The following APIP variants were observed in gnomAD, a reference collection of about 807,000 sequenced individuals.
APIP encodes the protein methylthioribulose-1-phosphate dehydratase.
In APIP, 32 loss-of-function variants were observed where a neutral mutation model predicts 32.0. That is an observed-to-expected ratio of 1.00 (90% CI 0.76 to 1.34). The LOEUF (loss-of-function observed/expected upper bound fraction) is 1.34. APIP is among the 40% of genes most tolerant of loss of function. The pLI, the probability that APIP is intolerant of heterozygous loss-of-function variation, is 0.00. For missense variants in APIP, 247 were observed against 298.6 expected, an observed-to-expected ratio of 0.83 and a Z score of 1.27; for synonymous variants, 92 against 94.8, an observed-to-expected ratio of 0.97 and a Z score of 0.17.
At chr11:34,887,782 T>C (rs192022420) in intron 5 of APIP, among the ~76,000 whole-genome samples, 24 of 152,310 alleles carry the variant, frequency 1.6e-4, no homozygotes, top group Admixed American at 8.5e-4. Context: ...TTATTTAAAC[T>C]GATCTAGAAT....
At chr11:34,890,983 G>A (rs1853177075) in intron 2 of APIP, among the ~76,000 whole-genome samples, 1 of 152,056 alleles carries the variant, frequency 6.6e-6, no homozygotes, top group Admixed American at 6.6e-5. Flanking sequence ...CAAAGAATCA[G>A]GTTTGATTTA....
At chr11:34,896,576 A>G (rs1216154289) in intron 1 of APIP, among the ~76,000 whole-genome samples, 1 of 152,030 alleles carries the variant, frequency 6.6e-6, no homozygotes, top group Admixed American at 6.6e-5. Context: ...CTGTCAGCAG[A>G]TGGGGGGCTA....
chr11:34,885,578 T>C (rs866401091), intron 5 of APIP, among the ~76,000 whole-genome samples: 8 of 152,196 alleles, frequency 5.3e-5, no homozygotes, highest in Admixed American at 1.3e-4. Flanking sequence ...TGGGGGGCAA[T>C]TGTCGGGCAA....
At position 34,892,037 on chromosome 11, in the gene APIP, G is replaced by C. The variant is rs567071869; in HGVS notation, c.159-1485C>G. ...GTAAGTAAAACCCATCTATAAAGTA[G>C]GAAAACCAAGGGTACTCTGTTTATT... On this transcript the variant is annotated intron_variant, in intron 2 of 6. Coordinates refer to ENST00000395787, the MANE Select transcript of APIP (RefSeq NM_015957.4). Among the ~76,000 whole-genome samples, 12 of 152,106 alleles carry C rather than the reference G, an allele frequency of 7.9e-5. No individual in the cohort carries two copies. The East Asian group carries it at 1.9e-3, about 24-fold the overall frequency.
chr11:34,903,601 A>G (rs760982601), intron 1 of APIP, among the ~76,000 whole-genome samples: 3 of 152,244 alleles, frequency 2.0e-5, no homozygotes. Flanking sequence ...AATAGCAGTG[A>G]TGCATTGCAA....
intron 2 of APIP, among the ~76,000 whole-genome samples, chr11:34,893,540 G>A (rs991078275): frequency 2.0e-5 from 3 of 152,164 alleles, no homozygotes; most frequent in Non-Finnish European, 4.4e-5. Flanking sequence ...TGAAAGTTTT[G>A]GCAAAATAAT....
At chr11:34,906,465 C>T (rs1205067773) in intron 1 of APIP, among the ~76,000 whole-genome samples, 1 of 152,150 alleles carries the variant, frequency 6.6e-6, no homozygotes, top group Non-Finnish European at 1.5e-5. Flanking sequence ...AATTCTATAG[C>T]CAGAGGTCTA....
chr11:34,892,682 A>AT (rs1565134660), intron 2 of APIP, among the ~76,000 whole-genome samples: 1 of 152,166 alleles, frequency 6.6e-6, no homozygotes, highest in Non-Finnish European at 1.5e-5. Flanking sequence ...TTCTGACTTA[A>AT]TTTTTGGTAC....
chr11:34,893,890 ATATAT>A (rs1368183692), intron 2 of APIP, among the ~76,000 whole-genome samples: 2 of 152,216 alleles, frequency 1.3e-5, no homozygotes, highest in East Asian at 3.8e-4. Context: ...GGGCATGACT[ATATAT>A]ATTCAACAGC....
chr11:34,903,646 G>C (rs1177542516), intron 1 of APIP, among the ~76,000 whole-genome samples: 1 of 152,226 alleles, frequency 6.6e-6, no homozygotes, highest in Non-Finnish European at 1.5e-5. Flanking sequence ...GGTAGCCGAA[G>C]GATACAGATT....
chr11:34,910,064 T>G (rs1229837259), intron 1 of APIP, among the ~76,000 whole-genome samples: 5 of 152,170 alleles, frequency 3.3e-5, no homozygotes, highest in Non-Finnish European at 7.4e-5. Flanking sequence ...ACCGAACTAC[T>G]AGAGAAACAA....
At chr11:34,893,617 G>A (rs552228175) in intron 2 of APIP, among the ~76,000 whole-genome samples, 2 of 152,318 alleles carry the variant, frequency 1.3e-5, no homozygotes, top group Admixed American at 1.3e-4. Flanking sequence ...AGGAGGCACA[G>A]ATGGATTTAT....
intron 2 of APIP, among the ~76,000 whole-genome samples, chr11:34,891,020 T>C (rs572605035): frequency 6.6e-6 from 1 of 152,274 alleles, no homozygotes; most frequent in South Asian, 2.1e-4. Flanking sequence ...TCTTAAACCA[T>C]GAAGTTCAGA....
At chr11:34,888,956 G>T in intron 3 of APIP, 87 bp from the exon 4 acceptor site, 1 of 711,688 alleles carries the variant, frequency 1.4e-6, no homozygotes, top group Non-Finnish European at 2.1e-6. Flanking sequence ...ATATACATAA[G>T]AATACAAGAA....
chr11:34,896,853 C>G lies in APIP; in HGVS notation c.58-1743G>C, dbSNP rs1447788251. 3.2e-6 allele frequency: 4 copies of G among 1,268,984 alleles called. No individual in the cohort carries two copies. The Admixed American group carries it at 6.9e-5, about 22-fold the overall frequency. The allele number at this position is 1,268,984 out of a possible 1,614,324, so 78.6% of individuals were successfully genotyped here. On this transcript the variant is annotated intron_variant, in intron 1 of 6. Transcript: ENST00000395787. ...ACTTCAATTTTGATAGCCATGTAAG[C>G]CACTAGAAGCATGAGACAAAACCCA... is the stretch of plus-strand genomic sequence containing the variant.
intron 5 of APIP, among the ~76,000 whole-genome samples, chr11:34,887,706 A>G (rs554439754): frequency 6.6e-6 from 1 of 152,166 alleles, no homozygotes; most frequent in Non-Finnish European, 1.5e-5. Flanking sequence ...CACTGAGAAC[A>G]TGTTTCTTCC....
At chr11:34,896,702 C>T (rs1234222915) in intron 1 of APIP, 2 of 1,125,548 alleles carry the variant, frequency 1.8e-6, no homozygotes, top group African/African-American at 1.6e-5. Context: ...GCACACGTAT[C>T]CCAGAACTTA....
At position 34,890,398 on chromosome 11, in the gene APIP, C is replaced by T. The variant is rs1208714412; in HGVS notation, c.207+106G>A. 4 of 1,092,944 alleles carry T rather than the reference C, an allele frequency of 3.7e-6. No individual in the cohort carries two copies. In the African/African-American group the frequency reaches 4.9e-5, roughly 13 times the overall value. 67.7% of individuals were successfully genotyped at this position (1,092,944 alleles called of 1,614,324 possible). A position where few individuals can be genotyped will look rare whatever the true frequency, so the allele number is the denominator to read the frequency against. On this transcript the variant is annotated intron_variant, in intron 3 of 6. Coordinates refer to ENST00000395787, the MANE Select transcript of APIP (RefSeq NM_015957.4). ...AATAAATGTTTGCTGATTAGTTATT[C>T]AAATTGCTATGATAAAATGAATGTT...
intron 1 of APIP, chr11:34,896,628 G>A (rs1853276743): frequency 2.4e-6 from 1 of 415,840 alleles, no homozygotes; most frequent in South Asian, 2.0e-5. Context: ...CATAGATGAT[G>A]AGTTGAGGGG....
Sources: allele counts gnomAD v4.1 joint callset (sites outside exome capture counted in the v4.1 genomes callset), GRCh38; gene constraint gnomAD v4.1.1; transcripts MANE v1.5; gene names NCBI Gene and HGNC (gene_info 2026-07-23, HGNC 2026-07-21).